PIK3CA: variants seen among roughly 807,000 people sequenced by gnomAD.
PIK3CA encodes the protein phosphatidylinositol-4,5-bisphosphate 3-kinase catalytic subunit alpha.
A neutral mutation model predicts 138.2 loss-of-function variants in PIK3CA; 27 were observed. The observed-to-expected ratio is 0.20, with a 90% CI of 0.14 to 0.27. The LOEUF is 0.27. Ranked by LOEUF, PIK3CA falls within the 10% of genes least tolerant of loss-of-function variation. The pLI, the probability that PIK3CA is intolerant of heterozygous loss-of-function variation, is 1.00. For synonymous variants in PIK3CA, 358 were observed against 413.2 expected, an observed-to-expected ratio of 0.87 and a Z score of 1.62; for missense variants, 544 against 1,277.4, an observed-to-expected ratio of 0.43 and a Z score of 8.75.
chr3:179,199,589 T>C (rs936004664), intron 2 of PIK3CA, 101 bp from the exon 3 acceptor site: 2 of 821,926 alleles, frequency 2.4e-6, no homozygotes, highest in African/African-American at 3.4e-5. Context: ...TTTTACTTTA[T>C]TGTGATCTTC....
Position 179,239,696 on chromosome 3 carries a change from C to T in PIK3CA, c.*5332C>T, listed in dbSNP as rs1455102837. ...CACTACCAAAAGAAGACTACTAACA[C>T]GTCAGATGTTCACCTGGAAGCTTTA... On this transcript the variant is annotated 3_prime_UTR_variant, in exon 21 of 21. Coordinates refer to ENST00000263967, the MANE Select transcript of PIK3CA (RefSeq NM_006218.4). The T allele has an allele frequency of 3.3e-5, 11 of 331,180 alleles. No individual in the cohort carries two copies. Among genetic ancestry groups the T allele is most frequent in the South Asian group, 9.3e-5 (1 of 10,796 alleles). 20.5% of individuals were successfully genotyped at this position (331,180 alleles called of 1,614,324 possible).
intron 1 of PIK3CA, among the ~76,000 whole-genome samples, chr3:179,191,972 T>A (rs1724148445): frequency 6.6e-6 from 1 of 152,182 alleles, no homozygotes; most frequent in Non-Finnish European, 1.5e-5. Context: ...AATACACTTT[T>A]GAAATTGAAA....
Position 179,236,893 on chromosome 3 carries a change from C to G in PIK3CA, c.*2529C>G. Reference sequence around the variant, plus strand: ...ATAATATAGCCACTTCTGGGTACTTCAGTATCAGAGATCAGTTCTCGTGGT... The same window carrying G: ...ATAATATAGCCACTTCTGGGTACTTGAGTATCAGAGATCAGTTCTCGTGGT... On this transcript the variant is annotated 3_prime_UTR_variant, in exon 21 of 21. Coordinates refer to ENST00000263967, the MANE Select transcript of PIK3CA (RefSeq NM_006218.4). The G allele has an allele frequency of 4.8e-6, 1 of 207,476 alleles. No homozygotes were observed. The allele number at this position is 207,476 out of a possible 1,614,324, so 12.9% of individuals were successfully genotyped here.
At chr3:179,231,655 T>TTC in intron 20 of PIK3CA, among the ~76,000 whole-genome samples, 1 of 138,768 alleles carries the variant, frequency 7.2e-6, no homozygotes, top group African/African-American at 2.7e-5. Context: ...TTTTTTTTTT[T>TTC]TTTGAGATGG....
chr3:179,160,727 C>G (rs1464743668), intron 1 of PIK3CA, among the ~76,000 whole-genome samples: 2 of 152,108 alleles, frequency 1.3e-5, no homozygotes, highest in African/African-American at 4.8e-5. Flanking sequence ...TATCTTTGTA[C>G]AACACACAAT....
chr3:179,206,662 C>G (rs1724569265), intron 6 of PIK3CA, among the ~76,000 whole-genome samples: 1 of 152,148 alleles, frequency 6.6e-6, no homozygotes, highest in African/African-American at 2.4e-5. Flanking sequence ...CGCCTATAAT[C>G]CCAACACTTT....
chr3:179,218,512 G>A (rs934612129), intron 10 of PIK3CA, among the ~76,000 whole-genome samples, 178 bp downstream of exon 10: 10 of 151,988 alleles, frequency 6.6e-5, no homozygotes, highest in African/African-American at 2.2e-4. Context: ...ATTGATATTT[G>A]TGGAAAATCA....
chr3:179,219,115 AT>A lies in PIK3CA; in HGVS notation c.1665-79del, dbSNP rs1724907187. The A allele has an allele frequency of 1.3e-6, 1 of 773,090 alleles. No individual in the cohort carries two copies. Among genetic ancestry groups the A allele is most frequent in the African/African-American group, 1.7e-5 (1 of 57,470 alleles). 47.9% of individuals were successfully genotyped at this position (773,090 alleles called of 1,614,324 possible). A position where few individuals can be genotyped will look rare whatever the true frequency, so the allele number is the denominator to read the frequency against. Reference sequence around the variant, plus strand: ...AAGAAGTTTGGGACTTCTTAAGAAGATTCATATGGAGAAGTTAGACATGTCA... The same window carrying A: ...AAGAAGTTTGGGACTTCTTAAGAAGATCATATGGAGAAGTTAGACATGTCA... On this transcript the variant is annotated intron_variant, in intron 10 of 20. Coordinates refer to ENST00000263967, the MANE Select transcript of PIK3CA (RefSeq NM_006218.4). This position sits in a 1 kb window ranked among gnomAD's most constrained non-coding sequence, Gnocchi z 4.2.
At chr3:179,182,099 T>TA (rs1384729341) in intron 1 of PIK3CA, among the ~76,000 whole-genome samples, 1 of 152,212 alleles carries the variant, frequency 6.6e-6, no homozygotes, top group Non-Finnish European at 1.5e-5. Context: ...TTTTAGATCT[T>TA]AAAGTTCCCT....
chr3:179,152,258 A>G (rs1381855498), intron 1 of PIK3CA, among the ~76,000 whole-genome samples: 2 of 152,194 alleles, frequency 1.3e-5, no homozygotes, highest in African/African-American at 4.8e-5. Context: ...ATACACACAC[A>G]CGCAAAAAAT....
intron 6 of PIK3CA, among the ~76,000 whole-genome samples, chr3:179,207,712 G>A (rs1001839120): frequency 6.6e-6 from 1 of 152,002 alleles, no homozygotes; most frequent in Non-Finnish European, 1.5e-5. Flanking sequence ...TAGAGATGGG[G>A]TTTTGCCACG....
intron 1 of PIK3CA, among the ~76,000 whole-genome samples, chr3:179,155,749 C>T (rs760608097): frequency 6.6e-6 from 1 of 152,032 alleles, no homozygotes; most frequent in East Asian, 1.9e-4. Context: ...CCATAGATAC[C>T]AAGGGATAAC....
intron 9 of PIK3CA, among the ~76,000 whole-genome samples, chr3:179,217,198 G>A (rs563296513): frequency 5.3e-5 from 8 of 152,168 alleles, no homozygotes; most frequent in Admixed American, 5.2e-4. Context: ...ATCTTAGTGT[G>A]GATAAAGGTT....
chr3:179,160,822 C>A (rs910099064), intron 1 of PIK3CA, among the ~76,000 whole-genome samples: 3 of 152,152 alleles, frequency 2.0e-5, no homozygotes, highest in Non-Finnish European at 4.4e-5. Context: ...CGATTCTGTA[C>A]AATCATAGAC....
chr3:179,216,918 C>T (rs564218044), intron 9 of PIK3CA, among the ~76,000 whole-genome samples: 2 of 152,180 alleles, frequency 1.3e-5, no homozygotes, highest in African/African-American at 4.8e-5. Context: ...AATAACCTCT[C>T]CCTCCTTCCA....
intron 1 of PIK3CA, among the ~76,000 whole-genome samples, chr3:179,159,115 C>A (rs953063660): frequency 6.6e-6 from 1 of 152,010 alleles, no homozygotes; most frequent in East Asian, 1.9e-4. Flanking sequence ...AAATTATCTG[C>A]GATTTTTGTT....
At chr3:179,153,378 T>G (rs1176020038) in intron 1 of PIK3CA, among the ~76,000 whole-genome samples, 1 of 152,102 alleles carries the variant, frequency 6.6e-6, no homozygotes, top group Non-Finnish European at 1.5e-5. Context: ...AATTTGAAAT[T>G]TTATATGCTC....
chr3:179,151,432 T>C (rs191809945), intron 1 of PIK3CA, among the ~76,000 whole-genome samples: 95 of 152,366 alleles, frequency 6.2e-4, no homozygotes, highest in Non-Finnish European at 1.2e-3. Context: ...CAGTAATATC[T>C]TTATTTAATT....
chr3:179,187,875 G>T (rs1391219947), intron 1 of PIK3CA, among the ~76,000 whole-genome samples: 1 of 152,050 alleles, frequency 6.6e-6, no homozygotes, highest in Non-Finnish European at 1.5e-5. Flanking sequence ...CTGACCTTGT[G>T]ATCCGCCCGC....
Sources: allele counts gnomAD v4.1 joint callset (sites outside exome capture counted in the v4.1 genomes callset), GRCh38; gene constraint gnomAD v4.1.1; non-coding constraint Gnocchi (gnomAD v3.1); transcripts MANE v1.5; gene names NCBI Gene and HGNC (gene_info 2026-07-23, HGNC 2026-07-21).